TTC7B: variants seen among roughly 807,000 people sequenced by gnomAD.
The protein encoded by TTC7B is tetratricopeptide repeat protein 7B.
In TTC7B, 28 loss-of-function variants were observed where a neutral mutation model predicts 106.8. The ratio of observed to expected loss-of-function variants is 0.26; its 90% CI spans 0.19 to 0.36. The LOEUF is 0.36. Ranked by LOEUF, TTC7B falls within the 10% of genes least tolerant of loss-of-function variation. TTC7B has a pLI of 1.00. For synonymous variants in TTC7B, 405 were observed against 430.6 expected (o/e 0.94, Z 0.74); for missense variants, 862 against 1,076.4 (o/e 0.80, Z 2.79).
intron 14 of TTC7B, chr14:90,645,111 C>T (rs1312471555): frequency 6.6e-6 from 1 of 152,198 alleles, no homozygotes; most frequent in Non-Finnish European, 1.5e-5. Flanking sequence ...ACAACCATCC[C>T]ACAGATGGCT....
intron 4 of TTC7B, among the ~76,000 whole-genome samples, chr14:90,731,058 G>A (rs1889307128): frequency 6.6e-6 from 1 of 152,006 alleles, no homozygotes; most frequent in Non-Finnish European, 1.5e-5. Flanking sequence ...CCATTCTCCT[G>A]CCTCAGCCTC....
intron 18 of TTC7B, among the ~76,000 whole-genome samples, chr14:90,592,999 C>T (rs982167103): frequency 6.6e-5 from 10 of 152,130 alleles, no homozygotes; most frequent in African/African-American, 2.4e-4. Context: ...CTCAGGGACT[C>T]CAAGAATTCA....
intron 16 of TTC7B, among the ~76,000 whole-genome samples, chr14:90,616,509 T>TG (rs1247155565): frequency 1.1e-4 from 3 of 26,176 alleles, no homozygotes; most frequent in East Asian, 8.9e-4. Context: ...GACTTCCAGC[T>TG]GGGGGGGAGG....
rs565397887 is a variant in TTC7B at position 90,742,255 on chromosome 14, C to CT, written c.576+2536dup. Among the ~76,000 whole-genome samples, 219 of 151,926 alleles carry CT rather than the reference C, an allele frequency of 1.4e-3. 1 individual carries two copies. Among genetic ancestry groups the CT allele is most frequent in the African/African-American group, 5.1e-3 (213 of 41,458 alleles). On this transcript the variant is annotated intron_variant, in intron 4 of 19. Coordinates refer to ENST00000328459, the MANE Select transcript of TTC7B (RefSeq NM_001010854.2). This position sits in a 1 kb window ranked among gnomAD's most constrained non-coding sequence, Gnocchi z 4.1. ...CGCTTCTTTCTTTCTTCCTTTCTTTCTTTTTTTTCTTTTGTTTCTCTCTCT... is the reference window on the plus strand; with the variant it reads ...CGCTTCTTTCTTTCTTCCTTTCTTTCTTTTTTTTTCTTTTGTTTCTCTCTCT...
chr14:90,812,714 T>G (rs2030964856), intron 1 of TTC7B, among the ~76,000 whole-genome samples: 1 of 152,118 alleles, frequency 6.6e-6, no homozygotes, highest in Non-Finnish European at 1.5e-5. Flanking sequence ...ATTTGGGTTT[T>G]TTGAGATGGT....
In TTC7B at chr14:90,610,749, G is replaced by T; in HGVS notation, c.1959C>A (p.Pro653=). 6.2e-7 allele frequency: 1 copy of T among 1,611,936 alleles called. No individual in the cohort carries two copies. The highest frequency in any genetic ancestry group is 8.5e-7 in the Non-Finnish European group (1 of 1,178,232). ...NTITLPDFSD[P]ETGSVHATSV... Reference sequence around the variant, plus strand: ...CTGGCTTTTTATTCTCACCTGTCTCGGGATCGCTGAAGTCTGGCAAAGTAA... The same window carrying T: ...CTGGCTTTTTATTCTCACCTGTCTCTGGATCGCTGAAGTCTGGCAAAGTAA... Residue 653 remains proline (P), a synonymous_variant, in exon 17 of 20, where the codon CCC becomes CCA. Coordinates refer to ENST00000328459, the MANE Select transcript of TTC7B (RefSeq NM_001010854.2).
intron 19 of TTC7B, among the ~76,000 whole-genome samples, chr14:90,566,957 A>C (rs962688153): frequency 2.0e-5 from 3 of 150,618 alleles, no homozygotes; most frequent in African/African-American, 7.4e-5. Flanking sequence ...CTGGGCTTGC[A>C]CCAAACGCTC....
At position 90,541,544 on chromosome 14, in the gene TTC7B, T is replaced by A. The variant is rs1889590903; in HGVS notation, c.2356A>T (p.Ile786Phe). The change falls in exon 20 of 20, where the codon ATC becomes TTC. Residue 786 changes from isoleucine (I) to phenylalanine (F), a missense_variant. Physicochemically the swap from Ile to Phe is conservative, Grantham distance 21. Coordinates refer to ENST00000328459, the MANE Select transcript of TTC7B (RefSeq NM_001010854.2). The part of the protein sequence containing the change: ...QLGRYSLAEK[I>F]LRDAVQVNST... The stretch of plus-strand genomic sequence containing the variant: ...TTCACCTGCACCGCGTCCCGGAGGA[T>A]CTTCTCCGCCAGACTGTAGCGGCCT... The A allele has an allele frequency of 1.2e-6, 2 of 1,611,566 alleles. No individual in the cohort carries two copies. Among genetic ancestry groups the A allele is most frequent in the Admixed American group, 3.3e-5 (2 of 59,916 alleles).
In TTC7B at chr14:90,578,111, G is replaced by A; in HGVS notation, c.2305C>T (p.Arg769Ter). The A allele has an allele frequency of 1.9e-6, 3 of 1,609,442 alleles. No homozygotes were observed. Among genetic ancestry groups the A allele is most frequent in the Non-Finnish European group, 2.5e-6 (3 of 1,178,054 alleles). Residue 769 changes from arginine (R) to a stop codon, truncating the protein, a stop_gained, in exon 19 of 20, where the codon CGA becomes TGA. Transcript: ENST00000328459. LOFTEE classifies it high-confidence loss of function. This position sits in a 1 kb window ranked among gnomAD's most constrained non-coding sequence, Gnocchi z 4.7. ...CGCCGGGCTCGTGGACTCACCAGTC[G>A]CTGCATGCTCTTCACGTGGGTGGGG... ...ISPTHVKSMQRLALILHQLGR... is the reference protein window; with the variant it reads ...ISPTHVKSMQ
chr14:90,551,818 A>C (rs1890091952), intron 19 of TTC7B, among the ~76,000 whole-genome samples: 2 of 152,150 alleles, frequency 1.3e-5, no homozygotes, highest in African/African-American at 2.4e-5. Context: ...TTTTGAGTAC[A>C]AGCATTTTGT....
chr14:90,773,961 GGCCACCTCAAAGAAAAAAATAAAGA>G (rs1555398167), intron 3 of TTC7B, among the ~76,000 whole-genome samples: 1 of 152,022 alleles, frequency 6.6e-6, no homozygotes, highest in Non-Finnish European at 1.5e-5. Flanking sequence ...TCCCTGCAGG[GGCCACCTCAAAGAAAAAAATAAAGA>G]GCCCTGGACC....
rs569629619 is a variant in TTC7B at position 90,626,379 on chromosome 14, C to T, written c.1752-8334G>A. 3.3e-5 allele frequency among the ~76,000 whole-genome samples: 5 copies of T among 152,322 alleles called. No homozygotes were observed. The South Asian group carries it at 8.3e-4, about 25-fold the overall frequency. ...CGTGTCTTGAACAGAATGCTTCCTT[C>T]CTTCTGAAGGGATCCCCTGGATCAC... On this transcript the variant is annotated intron_variant, in intron 15 of 19. Transcript: ENST00000328459.
chr14:90,804,046 A>G (rs2030443863), intron 1 of TTC7B, among the ~76,000 whole-genome samples: 1 of 152,198 alleles, frequency 6.6e-6, no homozygotes, highest in South Asian at 2.1e-4. Context: ...GCCAAAAGAA[A>G]GAGCTGTGGC....
chr14:90,667,747 G>A (rs1362744549), intron 9 of TTC7B, among the ~76,000 whole-genome samples: 1 of 152,138 alleles, frequency 6.6e-6, no homozygotes, highest in Non-Finnish European at 1.5e-5. Context: ...ACTTTAGGCT[G>A]AAGGAAAAAA....
intron 4 of TTC7B, among the ~76,000 whole-genome samples, chr14:90,731,317 A>C (rs1202476735): frequency 6.6e-6 from 1 of 152,198 alleles, no homozygotes; most frequent in East Asian, 1.9e-4. Context: ...TGTGGCTCAC[A>C]TAAAAACCAA....
chr14:90,801,111 G>C (rs1415664378), intron 1 of TTC7B, among the ~76,000 whole-genome samples: 2 of 150,972 alleles, frequency 1.3e-5, no homozygotes, highest in Non-Finnish European at 2.9e-5. Flanking sequence ...TGTAGTCCAA[G>C]CTACAGGGGA....
At chr14:90,814,305 C>A (rs748839922) in intron 1 of TTC7B, among the ~76,000 whole-genome samples, 9 of 152,208 alleles carry the variant, frequency 5.9e-5, no homozygotes, top group Non-Finnish European at 1.3e-4. Flanking sequence ...TTCCAGGGAC[C>A]ATCATAGCTT....
At chr14:90,580,003 G>C (rs1472257777) in intron 18 of TTC7B, among the ~76,000 whole-genome samples, 2 of 152,164 alleles carry the variant, frequency 1.3e-5, no homozygotes, top group Middle Eastern at 3.2e-3. Context: ...CCAACCTCTG[G>C]GGCGGCAGCC....
chr14:90,806,050 A>T (rs2030585811), intron 1 of TTC7B, among the ~76,000 whole-genome samples: 1 of 152,264 alleles, frequency 6.6e-6, no homozygotes, highest in Non-Finnish European at 1.5e-5. Context: ...CACAAAAAAA[A>T]GTCAACAATT....
Sources: gnomAD v4.1 joint callset for allele counts (sites outside exome capture counted in the v4.1 genomes callset) on GRCh38, gnomAD v4.1.1 for gene constraint, Gnocchi (gnomAD v3.1) non-coding constraint, MANE v1.5 for transcripts, NCBI Gene and HGNC (gene_info 2026-07-23, HGNC 2026-07-21) for gene names.